The following KCNH5 variants were observed in gnomAD, a reference collection of about 807,000 sequenced individuals.
KCNH5 encodes the protein potassium voltage-gated channel subfamily H member 5, also known as voltage-gated delayed rectifier potassium channel KCNH5.
In KCNH5, 46 loss-of-function variants were observed where a neutral mutation model predicts 96.1. That is an observed-to-expected ratio of 0.48 (90% CI 0.38 to 0.61). The LOEUF is 0.61. Ranked by LOEUF, KCNH5 falls within the 20% of genes least tolerant of loss-of-function variation. KCNH5 has a pLI of 0.00. For missense variants in KCNH5, 907 were observed against 1,225.8 expected (o/e 0.74, Z 3.88); for synonymous variants, 439 against 449.8 (o/e 0.98, Z 0.30).
chr14:62,947,374 C>T (rs924244391), intron 7 of KCNH5, among the ~76,000 whole-genome samples: 5 of 152,150 alleles, frequency 3.3e-5, no homozygotes, highest in African/African-American at 1.2e-4. Context: ...ATCAGCATCT[C>T]TCTCTGTGTA....
rs751823732 is a variant in KCNH5 at position 62,708,006 on chromosome 14, C to T, written c.2469G>A (p.Glu823=). The T allele has an allele frequency of 6.2e-7, 1 of 1,614,158 alleles. No homozygotes were observed. Among genetic ancestry groups the T allele is most frequent in the Non-Finnish European group, 8.5e-7 (1 of 1,180,036 alleles). The part of the protein sequence containing the change: ...RLKNNMGAHE[E]KKEDWNNVTK... ...TGACATTATTCCAGTCTTCCTTTTT[C>T]TCCTCATGGGCTCCCATATTATTCT... The change falls in exon 11 of 11, where the codon GAG becomes GAA. Residue 823 remains glutamate (E), a synonymous_variant. Transcript: ENST00000322893.
At chr14:62,769,285 A>G (rs1159935285) in intron 10 of KCNH5, among the ~76,000 whole-genome samples, 1 of 152,270 alleles carries the variant, frequency 6.6e-6, no homozygotes, top group East Asian at 1.9e-4. Context: ...ATAACATGTA[A>G]GCAGAGCTAC....
At chr14:62,898,401 C>T (rs1190500613) in intron 7 of KCNH5, among the ~76,000 whole-genome samples, 1 of 151,936 alleles carries the variant, frequency 6.6e-6, no homozygotes, top group Non-Finnish European at 1.5e-5. Context: ...CTAAAGAAAT[C>T]GCTGAAATAA....
rs544082664 is a variant in KCNH5 at position 62,954,914 on chromosome 14, T to C, written c.943-4355A>G. Among the ~76,000 whole-genome samples the C allele has an allele frequency of 9.2e-5, 14 of 152,094 alleles. No individual in the cohort carries two copies. The South Asian group carries it at 1.9e-3, about 20-fold the overall frequency. ...GACTTATTCACTACCACAAAAATAG[T>C]ATGGAGGAAACACCCCCACGATTCA... is the stretch of plus-strand genomic sequence containing the variant. On this transcript the variant is annotated intron_variant, in intron 6 of 10. Transcript: ENST00000322893.
intron 6 of KCNH5, among the ~76,000 whole-genome samples, chr14:62,967,213 C>G (rs1048641339): frequency 6.6e-6 from 1 of 151,990 alleles, no homozygotes; most frequent in Non-Finnish European, 1.5e-5. Context: ...TTAAAAGTTC[C>G]TCACAGTCTA....
chr14:62,705,545 T>C lies in KCNH5; in HGVS notation c.*1963A>G, dbSNP rs1162336869. On this transcript the variant is annotated 3_prime_UTR_variant, in exon 11 of 11. Coordinates refer to ENST00000322893, the MANE Select transcript of KCNH5 (RefSeq NM_139318.5). ...GGTAGGTAGATATTGTAGCATTACATGGAGACGTGTTCCCCTGAAAACTTC... is the reference window on the plus strand; with the variant it reads ...GGTAGGTAGATATTGTAGCATTACACGGAGACGTGTTCCCCTGAAAACTTC... The C allele has an allele frequency of 1.3e-5, 2 of 152,002 alleles. No individual in the cohort carries two copies. The highest frequency in any genetic ancestry group is 2.9e-5 in the Non-Finnish European group (2 of 67,884). The allele number at this position is 152,002 out of a possible 1,614,324, so 9.4% of individuals were successfully genotyped here. A position where few individuals can be genotyped will look rare whatever the true frequency, so the allele number is the denominator to read the frequency against.
At chr14:62,732,649 A>T (rs1885074828) in intron 10 of KCNH5, among the ~76,000 whole-genome samples, 2 of 152,160 alleles carry the variant, frequency 1.3e-5, no homozygotes, top group African/African-American at 4.8e-5. Flanking sequence ...TGTGCCCTGC[A>T]ATCTTAGCCT....
chr14:62,838,505 G>A (rs1179460066), intron 8 of KCNH5, among the ~76,000 whole-genome samples: 2 of 152,108 alleles, frequency 1.3e-5, no homozygotes, highest in Non-Finnish European at 2.9e-5. Flanking sequence ...CTGAGATTAG[G>A]ACAATACAAT....
At chr14:62,889,043 G>A (rs1017447997) in intron 7 of KCNH5, among the ~76,000 whole-genome samples, 6 of 152,282 alleles carry the variant, frequency 3.9e-5, no homozygotes, top group African/African-American at 1.2e-4. Flanking sequence ...CAACAGTAAC[G>A]TCCTTGCAGT....
intron 9 of KCNH5, among the ~76,000 whole-genome samples, chr14:62,783,695 AT>A (rs547330281): frequency 6.6e-6 from 1 of 152,136 alleles, no homozygotes; most frequent in African/African-American, 2.4e-5. Flanking sequence ...ATAACCCTAG[AT>A]TTTTTTAAAA....
chr14:62,838,725 C>A (rs1189355828), intron 8 of KCNH5, among the ~76,000 whole-genome samples: 1 of 152,128 alleles, frequency 6.6e-6, no homozygotes, highest in Non-Finnish European at 1.5e-5. Context: ...AGTACAAAAT[C>A]CAAGTTTCCC....
chr14:62,819,160 G>T (rs1198098387), intron 8 of KCNH5, among the ~76,000 whole-genome samples: 1 of 152,030 alleles, frequency 6.6e-6, no homozygotes, highest in Admixed American at 6.6e-5. Flanking sequence ...TAGAGACAGG[G>T]TTTCACCTTG....
chr14:62,981,460 C>T (rs1182039262), intron 5 of KCNH5, among the ~76,000 whole-genome samples, 196 bp from the exon 6 acceptor site: 1 of 152,202 alleles, frequency 6.6e-6, no homozygotes, highest in African/African-American at 2.4e-5. Context: ...GATCTTTCTG[C>T]TGTTCTATCT....
chr14:62,779,979 C>A, intron 9 of KCNH5, 55 bp from the exon 10 acceptor site: 1 of 1,432,612 alleles, frequency 7.0e-7, no homozygotes, highest in Non-Finnish European at 9.5e-7. Flanking sequence ...CTTATTTAAT[C>A]ACTCTTGTTA....
intron 7 of KCNH5, among the ~76,000 whole-genome samples, chr14:62,854,389 C>A (rs1887889849): frequency 6.6e-6 from 1 of 152,104 alleles, no homozygotes; most frequent in African/African-American, 2.4e-5. Flanking sequence ...CAAAATCTTA[C>A]TACCAGTGTT....
chr14:62,754,211 G>A (rs898856865), intron 10 of KCNH5, among the ~76,000 whole-genome samples: 3 of 151,770 alleles, frequency 2.0e-5, no homozygotes, highest in Non-Finnish European at 2.9e-5. Flanking sequence ...TATATTATTC[G>A]CAAGCTTCAT....
intron 10 of KCNH5, among the ~76,000 whole-genome samples, chr14:62,761,597 T>A (rs1382821443): frequency 6.6e-6 from 1 of 152,120 alleles, no homozygotes; most frequent in Non-Finnish European, 1.5e-5. Flanking sequence ...AGGGAAGAAC[T>A]CTCAAAAGAA....
At chr14:62,746,151 C>T (rs1321398499) in intron 10 of KCNH5, among the ~76,000 whole-genome samples, 1 of 152,210 alleles carries the variant, frequency 6.6e-6, no homozygotes, top group African/African-American at 2.4e-5. Flanking sequence ...TCATGGCATT[C>T]ACTTCTCTTC....
intron 7 of KCNH5, among the ~76,000 whole-genome samples, chr14:62,854,409 C>T (rs921547223): frequency 2.0e-5 from 3 of 151,896 alleles, no homozygotes; most frequent in African/African-American, 7.3e-5. Context: ...TATAAATATA[C>T]AGAAGGAATA....
Sources: gnomAD v4.1 joint callset for allele counts (sites outside exome capture counted in the v4.1 genomes callset) on GRCh38, gnomAD v4.1.1 for gene constraint, MANE v1.5 for transcripts, NCBI Gene and HGNC (gene_info 2026-07-23, HGNC 2026-07-21) for gene names.